The following AGBL4 variants were observed in gnomAD, a reference collection of about 807,000 sequenced individuals.
The protein encoded by AGBL4 is cytosolic carboxypeptidase 6.
AGBL4 carries 58 observed loss-of-function variants against 66.4 expected under a neutral mutation model. The ratio of observed to expected loss-of-function variants is 0.87; its 90% CI spans 0.71 to 1.09. The LOEUF is 1.09. Ranked by LOEUF, AGBL4 falls within the 50% of genes least tolerant of loss-of-function variation. The pLI, the probability that AGBL4 is intolerant of heterozygous loss-of-function variation, is 0.00. For missense variants in AGBL4, 579 were observed against 631.0 expected (o/e 0.92, Z 0.88); for synonymous variants, 234 against 222.9 (o/e 1.05, Z -0.44).
intron 4 of AGBL4, among the ~76,000 whole-genome samples, chr1:49,094,938 T>A (rs1320876584): frequency 6.6e-6 from 1 of 152,090 alleles, no homozygotes; most frequent in Non-Finnish European, 1.5e-5. Flanking sequence ...GAAAACCCCA[T>A]CATCTCAGCC....
chr1:48,942,274 A>G (rs1233964224), intron 5 of AGBL4, among the ~76,000 whole-genome samples: 2 of 149,818 alleles, frequency 1.3e-5, no homozygotes, highest in African/African-American at 4.9e-5. Context: ...CATTCCTCCA[A>G]TCGTCTACTT....
rs553632882 is a variant in AGBL4, at chr1:49,156,783, C to A, written c.377+88987G>T. On this transcript the variant is annotated intron_variant, in intron 4 of 13. Transcript: ENST00000371839. ...CTAATGCCAGATTTTATTTATCACACATGCTAACTATGGTACAGTGTGAGT... is the reference window on the plus strand; with the variant it reads ...CTAATGCCAGATTTTATTTATCACAAATGCTAACTATGGTACAGTGTGAGT... 3.9e-5 allele frequency among the ~76,000 whole-genome samples: 6 copies of A among 152,272 alleles called. No individual in the cohort carries two copies. In the South Asian group the frequency reaches 1.2e-3, roughly 32 times the overall value.
At chr1:48,859,086 T>G (rs1374316269) in intron 6 of AGBL4, among the ~76,000 whole-genome samples, 2 of 151,020 alleles carry the variant, frequency 1.3e-5, no homozygotes, top group Non-Finnish European at 3.0e-5. Context: ...CTTCTAAGAG[T>G]TTTTAAGGGG....
intron 6 of AGBL4, among the ~76,000 whole-genome samples, chr1:48,858,396 TA>T (rs1248859863): frequency 1.3e-5 from 2 of 152,210 alleles, no homozygotes; most frequent in African/African-American, 4.8e-5. Flanking sequence ...CATAGCAGAT[TA>T]TTCGTAAAAT....
chr1:49,217,842 T>C (rs1649205520), intron 4 of AGBL4, among the ~76,000 whole-genome samples: 1 of 152,146 alleles, frequency 6.6e-6, no homozygotes, highest in African/African-American at 2.4e-5. Flanking sequence ...TATTCATCTG[T>C]TGATGATCAT....
intron 1 of AGBL4, among the ~76,000 whole-genome samples, chr1:49,967,794 A>G (rs1657694466): frequency 6.6e-6 from 1 of 152,202 alleles, no homozygotes; most frequent in Non-Finnish European, 1.5e-5. Flanking sequence ...GTTTCGGTTT[A>G]AATTACATTT....
At chr1:49,612,636 T>C (rs1645176177) in intron 3 of AGBL4, among the ~76,000 whole-genome samples, 1 of 152,112 alleles carries the variant, frequency 6.6e-6, no homozygotes, top group South Asian at 2.1e-4. Context: ...ATGCTCAACA[T>C]CACTAAACAT....
chr1:48,576,733 C>T (rs1188220239), intron 11 of AGBL4, among the ~76,000 whole-genome samples: 2 of 152,114 alleles, frequency 1.3e-5, no homozygotes, highest in South Asian at 2.1e-4. Flanking sequence ...TTCCCAGGGT[C>T]GTTGACATAA....
intron 4 of AGBL4, among the ~76,000 whole-genome samples, chr1:49,218,213 G>A (rs1649232491): frequency 6.6e-6 from 1 of 152,048 alleles, no homozygotes; most frequent in African/African-American, 2.4e-5. Context: ...GCTAAAAGGA[G>A]GCAGATTGAG....
chr1:49,612,805 C>G (rs1419496491), intron 3 of AGBL4, among the ~76,000 whole-genome samples: 1 of 152,206 alleles, frequency 6.6e-6, no homozygotes, highest in Non-Finnish European at 1.5e-5. Context: ...AGTTCAACCA[C>G]TTTGGAAAGC....
chr1:49,283,384 C>A (rs564485846), intron 3 of AGBL4, among the ~76,000 whole-genome samples: 16 of 152,270 alleles, frequency 1.1e-4, no homozygotes, highest in African/African-American at 3.6e-4. Flanking sequence ...TCACCATCAT[C>A]AAAGACCAAA....
intron 2 of AGBL4, among the ~76,000 whole-genome samples, chr1:49,835,863 T>A (rs1645834084): frequency 6.6e-6 from 1 of 152,218 alleles, no homozygotes; most frequent in South Asian, 2.1e-4. Context: ...AATTCTGGGT[T>A]AAAAATTCTT....
intron 4 of AGBL4, among the ~76,000 whole-genome samples, chr1:49,082,356 A>T (rs2147959330): frequency 6.6e-6 from 1 of 152,314 alleles, no homozygotes; most frequent in Admixed American, 6.5e-5. Flanking sequence ...TAATAAAGAC[A>T]TACCCAAGAC....
intron 3 of AGBL4, among the ~76,000 whole-genome samples, chr1:49,556,390 G>T (rs894416406): frequency 5.3e-5 from 8 of 152,018 alleles, no homozygotes; most frequent in African/African-American, 1.9e-4. Context: ...GGTGGGGGAA[G>T]GGGGCAGGAA....
At chr1:49,479,240 A>G (rs1428222911) in intron 3 of AGBL4, among the ~76,000 whole-genome samples, 1 of 152,072 alleles carries the variant, frequency 6.6e-6, no homozygotes, top group Non-Finnish European at 1.5e-5. Flanking sequence ...AAATCAAATC[A>G]GGAAAGTTAT....
intron 3 of AGBL4, among the ~76,000 whole-genome samples, chr1:49,635,592 T>A (rs1169932716): frequency 6.6e-6 from 1 of 152,180 alleles, no homozygotes; most frequent in African/African-American, 2.4e-5. Flanking sequence ...TTTGAACAGA[T>A]ACTTCAAAGA....
chr1:49,316,107 G>C (rs2148468800), intron 3 of AGBL4, among the ~76,000 whole-genome samples: 1 of 152,092 alleles, frequency 6.6e-6, no homozygotes, highest in Non-Finnish European at 1.5e-5. Flanking sequence ...TTGGAGAAGG[G>C]AGGGAGAAAG....
intron 3 of AGBL4, among the ~76,000 whole-genome samples, chr1:49,494,362 T>G (rs1477034739): frequency 6.6e-6 from 1 of 151,954 alleles, no homozygotes; most frequent in Non-Finnish European, 1.5e-5. Flanking sequence ...GACATGCTGG[T>G]GCGCTGCACC....
chr1:49,109,133 G>T (rs1178248628), intron 4 of AGBL4, among the ~76,000 whole-genome samples: 1 of 152,188 alleles, frequency 6.6e-6, no homozygotes, highest in African/African-American at 2.4e-5. Context: ...TGCTCTAAGT[G>T]TAATAGCAGC....
Sources: allele counts gnomAD v4.1 joint callset (sites outside exome capture counted in the v4.1 genomes callset), GRCh38; gene constraint gnomAD v4.1.1; transcripts MANE v1.5; gene names NCBI Gene and HGNC (gene_info 2026-07-23, HGNC 2026-07-21).